SHC2: variants seen among roughly 807,000 people sequenced by gnomAD.
SHC2 encodes SHC-transforming protein 2.
Under a neutral mutation model 60.6 loss-of-function variants are expected in SHC2, and 62 were observed. The observed-to-expected ratio is 1.02, with a 90% CI of 0.83 to 1.26. The LOEUF (loss-of-function observed/expected upper bound fraction) is 1.26, where lower values mean the gene tolerates loss of function less well. Among genes scored for constraint, SHC2 ranks in the 50% most tolerant of loss-of-function variants. SHC2 has a pLI of 0.00. For missense variants in SHC2, 873 were observed against 822.2 expected (o/e 1.06, Z -0.76); for synonymous variants, 375 against 372.4 (o/e 1.01, Z -0.08).
chr19:460,419 A>C, intron 1 of SHC2, 110 bp downstream of exon 1: 2 of 388,894 alleles, frequency 5.1e-6, no homozygotes, highest in Non-Finnish European at 8.1e-6. Flanking sequence ...GGAGAGCAGG[A>C]AGGATGGGGA....
At chr19:437,280 C>T (rs191363459) in intron 4 of SHC2, among the ~76,000 whole-genome samples, 50 of 146,026 alleles carry the variant, frequency 3.4e-4, no homozygotes, top group Non-Finnish European at 6.6e-4. Flanking sequence ...GCGTGCTCGT[C>T]TGTGTGCTCA....
intron 1 of SHC2, among the ~76,000 whole-genome samples, chr19:450,261 T>G (rs1189655615): frequency 1.3e-5 from 2 of 152,238 alleles, no homozygotes; most frequent in African/African-American, 4.8e-5. Flanking sequence ...CTTCCATGAC[T>G]GCCACACGCC....
chr19:445,067 C>T lies in SHC2; in HGVS notation c.469-4135G>A, dbSNP rs1190320378. Among the ~76,000 whole-genome samples the T allele has an allele frequency of 1.3e-5, 2 of 152,260 alleles. No homozygotes were observed. Among genetic ancestry groups the T allele is most frequent in the African/African-American group, 4.8e-5 (2 of 41,468 alleles). On this transcript the variant is annotated intron_variant, in intron 1 of 12. Coordinates refer to ENST00000264554, the MANE Select transcript of SHC2 (RefSeq NM_012435.3). The surrounding 1 kb of genome is among the most constrained non-coding windows in gnomAD (Gnocchi z 4.4). ...AGCTCACTGCATGTCCCACGCTCCA[C>T]GGCGCCCAGTGCTGCCGGCCATGTG...
chr19:435,839 G>T (rs1318499298), intron 7 of SHC2: 1 of 310,214 alleles, frequency 3.2e-6, no homozygotes. Context: ...GCGGTGAGAC[G>T]GAGGCCGTTT....
Position 460,661 on chromosome 19 carries a change from C to A in SHC2, c.336G>T (p.Gly112=), listed in dbSNP as rs1975526860. Reference sequence around the variant, plus strand: ...CGGCGGCGTCCCCGGACCCCGCCGCCCCCCGCCCGCCCCGCGACCCCCGCG... The same window carrying A: ...CGGCGGCGTCCCCGGACCCCGCCGCACCCCGCCCGCCCCGCGACCCCCGCG... ...AGSRGSRGGR[G]AAGSGDAAAA... The change falls in exon 1 of 13, where the codon GGG becomes GGT. Residue 112 remains glycine (G), a synonymous_variant. Coordinates refer to ENST00000264554, the MANE Select transcript of SHC2 (RefSeq NM_012435.3). 8.8e-7 allele frequency: 1 copy of A among 1,133,432 alleles called. No individual in the cohort carries two copies. The highest frequency in any genetic ancestry group is 1.1e-6 in the Non-Finnish European group (1 of 928,220). The allele number at this position is 1,133,432 out of a possible 1,614,324, so 70.2% of individuals were successfully genotyped here. A position where few individuals can be genotyped will look rare whatever the true frequency, so the allele number is the denominator to read the frequency against.
chr19:446,087 G>A lies in SHC2; in HGVS notation c.469-5155C>T, dbSNP rs1396818828. 6.6e-6 allele frequency among the ~76,000 whole-genome samples: 1 copy of A among 151,670 alleles called. No homozygotes were observed. Among genetic ancestry groups the A allele is most frequent in the African/African-American group, 2.4e-5 (1 of 41,272 alleles). On this transcript the variant is annotated intron_variant, in intron 1 of 12. Transcript: ENST00000264554. This position sits in a 1 kb window ranked among gnomAD's most constrained non-coding sequence, Gnocchi z 5.4. ...AAAAAAAAAAAGACAAGCACAGAGG[G>A]AGATTTGAGAGACAGAGACACAGAA...
rs772209524 is a variant in SHC2 at position 422,427 on chromosome 19, C to G, written c.1339G>C (p.Glu447Gln). Residue 447 changes from glutamate (E) to glutamine (Q), a missense_variant, in exon 11 of 13, where the codon GAG (glutamate) becomes CAG (glutamine). Transcript: ENST00000264554. This position sits in a 1 kb window ranked among gnomAD's most constrained non-coding sequence, Gnocchi z 5.0. ...GTCACGCCTGCCGCCACTGAGCACT[C>G]ATGCAACTTCAGGGCATCCTCAAAG... ...RPFEDALKLH[E>Q]CSVAAGVTAA... The G allele has an allele frequency of 6.3e-7, 1 of 1,578,904 alleles. No homozygotes were observed. The highest frequency in any genetic ancestry group is 8.6e-7 in the Non-Finnish European group (1 of 1,161,832).
In SHC2 at chr19:441,010, G is replaced by A. The variant is rs893717774; in HGVS notation, c.469-78C>T. The A allele has an allele frequency of 1.7e-4, 264 of 1,545,844 alleles. No individual in the cohort carries two copies. Among genetic ancestry groups the A allele is most frequent in the Non-Finnish European group, 2.1e-4 (238 of 1,122,422 alleles). On this transcript the variant is annotated intron_variant, in intron 1 of 12. Transcript: ENST00000264554. This position sits in a 1 kb window ranked among gnomAD's most constrained non-coding sequence, Gnocchi z 4.9. ...ACGTCCCTTTTCCCAGCAGCCCTTC[G>A]CCGCCTCCACCACCCCTGGGGTCGA...
chr19:451,788 G>T (rs964939026), intron 1 of SHC2, among the ~76,000 whole-genome samples: 1 of 152,084 alleles, frequency 6.6e-6, no homozygotes, highest in African/African-American at 2.4e-5. Context: ...AGTAGAGACG[G>T]GGTTTCACCA....
At chr19:448,064 G>A (rs79828744) in intron 1 of SHC2, among the ~76,000 whole-genome samples, 6,223 of 152,314 alleles carry the variant, frequency 0.041, 357 homozygotes, top group African/African-American at 0.12. Context: ...GGCTGGAAAC[G>A]TGCACGGCCT....
chr19:436,704 C>T (rs759532990), intron 4 of SHC2, 21 bp from the exon 5 acceptor site: 17 of 1,598,774 alleles, frequency 1.1e-5, no homozygotes, highest in South Asian at 2.2e-5. Context: ...AGGAGGCACA[C>T]GCGGTCATGG....
rs1453785598 is a variant in SHC2, at chr19:445,069, G to A, written c.469-4137C>T. Among the ~76,000 whole-genome samples the A allele has an allele frequency of 6.6e-6, 1 of 152,270 alleles. No individual in the cohort carries two copies. Among genetic ancestry groups the A allele is most frequent in the Non-Finnish European group, 1.5e-5 (1 of 68,046 alleles). On this transcript the variant is annotated intron_variant, in intron 1 of 12. Transcript: ENST00000264554. The surrounding 1 kb of genome is among the most constrained non-coding windows in gnomAD (Gnocchi z 4.4). ...CTCACTGCATGTCCCACGCTCCACG[G>A]CGCCCAGTGCTGCCGGCCATGTGCT... is the stretch of plus-strand genomic sequence containing the variant.
chr19:449,432 T>C (rs993239508), intron 1 of SHC2, among the ~76,000 whole-genome samples: 4 of 152,064 alleles, frequency 2.6e-5, no homozygotes, highest in Non-Finnish European at 5.9e-5. Flanking sequence ...TCTGACACCG[T>C]TGGGAAAACT....
Position 422,437 on chromosome 19 carries a change from CA to C in SHC2, c.1328del (p.Leu443ArgfsTer12). On this transcript the variant is annotated frameshift_variant, in exon 11 of 13. Coordinates refer to ENST00000264554, the MANE Select transcript of SHC2 (RefSeq NM_012435.3). LOFTEE classifies it high-confidence loss of function. The surrounding 1 kb of genome is among the most constrained non-coding windows in gnomAD (Gnocchi z 5.0). ...LFDMRPFEDA[L>X]KLHECSVAAG... ...CCGCCACTGAGCACTCATGCAACTT[CA>C]GGGCATCCTCAAAGGGTCCTGCAGG... 6.4e-7 allele frequency: 1 copy of C among 1,569,218 alleles called. No individual in the cohort carries two copies. The highest frequency in any genetic ancestry group is 8.6e-7 in the Non-Finnish European group (1 of 1,156,602).
At chr19:436,333 G>C in intron 6 of SHC2, 42 bp from the exon 7 acceptor site, 1 of 1,589,446 alleles carries the variant, frequency 6.3e-7, no homozygotes, top group Non-Finnish European at 8.6e-7. Flanking sequence ...CCACACGGCC[G>C]TGCCCCCCAG....
Position 455,580 on chromosome 19 carries a change from G to A in SHC2, c.468+4949C>T, listed in dbSNP as rs577236133. Among the ~76,000 whole-genome samples the A allele has an allele frequency of 1.8e-4, 27 of 152,374 alleles. 1 individual carries two copies. In the South Asian group the frequency reaches 5.4e-3, roughly 30 times the overall value. On this transcript the variant is annotated intron_variant, in intron 1 of 12. Transcript: ENST00000264554. ...TCGCTGCAGGATTCTGGGGGGTTCT[G>A]CGATGCCGGCTGAGTCGCCCGGCCC...
chr19:436,833 G>C, intron 4 of SHC2, 150 bp from the exon 5 acceptor site: 1 of 781,026 alleles, frequency 1.3e-6, no homozygotes, highest in South Asian at 1.7e-5. Flanking sequence ...CTGCAGCCGG[G>C]TCCTGGGTCA....
intron 1 of SHC2, among the ~76,000 whole-genome samples, chr19:444,067 G>A (rs186855774): frequency 4.2e-3 from 632 of 151,026 alleles, no homozygotes; most frequent in Non-Finnish European, 7.4e-3. Flanking sequence ...ATGGGTGGGT[G>A]GATGGGTGGA....
Position 437,536 on chromosome 19 carries a change from C to T in SHC2, c.721-853G>A, listed in dbSNP as rs116321193. The stretch of plus-strand genomic sequence containing the variant: ...CCCCCATAGGGACCCTCGAGGCTCT[C>T]CCCTTGCCAACCCCGGCCCAGCCAG... On this transcript the variant is annotated intron_variant, in intron 4 of 12. Coordinates refer to ENST00000264554, the MANE Select transcript of SHC2 (RefSeq NM_012435.3). Among the ~76,000 whole-genome samples the T allele has an allele frequency of 5.4e-3, 828 of 152,208 alleles. 3 individuals are homozygous for T. Among genetic ancestry groups the T allele is most frequent in the African/African-American group, 7.8e-3 (322 of 41,536 alleles).
Sources: gnomAD v4.1 joint callset for allele counts (sites outside exome capture counted in the v4.1 genomes callset) on GRCh38, gnomAD v4.1.1 for gene constraint, Gnocchi (gnomAD v3.1) non-coding constraint, MANE v1.5 for transcripts, NCBI Gene and HGNC (gene_info 2026-07-23, HGNC 2026-07-21) for gene names.